The following RNF11 variants were observed in gnomAD, a reference collection of about 807,000 sequenced individuals.
RNF11 encodes the protein ring finger protein 11.
RNF11 carries 4 observed loss-of-function variants against 15.8 expected under a neutral mutation model. The observed-to-expected ratio is 0.25, with a 90% confidence interval of 0.12 to 0.58. The LOEUF (loss-of-function observed/expected upper bound fraction) is 0.58, where lower values mean the gene tolerates loss of function less well. RNF11 is among the 20% of genes least tolerant of loss of function. The probability of loss-of-function intolerance (pLI) is 0.91; values close to 1 mark genes in which losing one functional copy is unlikely to be tolerated. For synonymous variants in RNF11, 68 were observed against 72.3 expected (o/e 0.94, Z 0.30); for missense variants, 139 against 194.4 (o/e 0.71, Z 1.70).
At chr1:51,264,287 A>AATATATATATATAT (rs1162466435) in intron 1 of RNF11, among the ~76,000 whole-genome samples, 53 of 32,506 alleles carry the variant, frequency 1.6e-3, no homozygotes, top group South Asian at 2.8e-3. Context: ...AAAAAAAAAA[A>AATATATATATATAT]ATATATATAT....
chr1:51,254,113 A>G (rs746510525), intron 1 of RNF11, among the ~76,000 whole-genome samples: 21 of 152,376 alleles, frequency 1.4e-4, no homozygotes, highest in South Asian at 1.0e-3. Context: ...GGTGACCAAA[A>G]TGTGGCATTG....
chr1:51,261,948 C>T (rs946724768), intron 1 of RNF11, among the ~76,000 whole-genome samples: 18 of 151,890 alleles, frequency 1.2e-4, no homozygotes, highest in East Asian at 3.9e-4. Context: ...TCCGTCTCTC[C>T]GGTTCAAGCG....
intron 1 of RNF11, among the ~76,000 whole-genome samples, chr1:51,261,135 C>T (rs1646928717): frequency 6.6e-6 from 1 of 152,136 alleles, no homozygotes. Context: ...TCCCTTAAAA[C>T]ATGTTTTAAT....
chr1:51,250,460 A>T, intron 1 of RNF11: 1 of 419,982 alleles, frequency 2.4e-6, no homozygotes, highest in South Asian at 3.3e-5. Flanking sequence ...TTGACCTTTG[A>T]ACAACATAGA....
rs574059581 is a variant in RNF11 at position 51,271,142 on chromosome 1, T to G, written c.294-9T>G. ...ATGCCTTCTGATTTCTCTCCATTGC[T>G]CTCAACAGGTGTGTGATCTGTATGA... On this transcript the variant is annotated splice_polypyrimidine_tract_variant and intron_variant, in intron 2 of 2. Transcript: ENST00000242719. The G allele has an allele frequency of 6.2e-7, 1 of 1,610,964 alleles. No individual in the cohort carries two copies. Among genetic ancestry groups the G allele is most frequent in the East Asian group, 2.2e-5 (1 of 44,868 alleles).
intron 1 of RNF11, among the ~76,000 whole-genome samples, chr1:51,258,877 G>A (rs1047302743): frequency 1.3e-5 from 2 of 152,166 alleles, no homozygotes; most frequent in Non-Finnish European, 2.9e-5. Context: ...TCAGTGTAAT[G>A]TGGATGTGTT....
intron 1 of RNF11, among the ~76,000 whole-genome samples, chr1:51,261,776 C>T (rs189113799): frequency 1.3e-5 from 2 of 152,194 alleles, no homozygotes; most frequent in Non-Finnish European, 2.9e-5. Context: ...CAAGCTCGTC[C>T]TCCCGGGTTC....
intron 1 of RNF11, among the ~76,000 whole-genome samples, chr1:51,253,722 A>G (rs1646891705): frequency 6.6e-6 from 1 of 152,178 alleles, no homozygotes; most frequent in Admixed American, 6.6e-5. Flanking sequence ...AGGGTGCTAT[A>G]ATTTGCTCAA....
chr1:51,262,361 CT>C (rs1195902818), intron 1 of RNF11, among the ~76,000 whole-genome samples: 1 of 152,204 alleles, frequency 6.6e-6, no homozygotes, highest in Non-Finnish European at 1.5e-5. Context: ...AGAGCTAAAA[CT>C]TTATAAACCT....
Position 51,258,764 on chromosome 1 carries a change from A to G in RNF11, c.124-11192A>G, listed in dbSNP as rs1646916357. On this transcript the variant is annotated intron_variant, in intron 1 of 2. Transcript: ENST00000242719. ...AGTTGGTGATTTCCTTTCTTTTGCC[A>G]ATCTCCCTGATAGGCAATCTGTGCT... Among the ~76,000 whole-genome samples the G allele has an allele frequency of 2.0e-5, 3 of 152,112 alleles. No homozygotes were observed. The South Asian group carries it at 6.2e-4, about 32-fold the overall frequency.
chr1:51,238,351 C>G (rs530536946), intron 1 of RNF11, among the ~76,000 whole-genome samples: 25 of 152,296 alleles, frequency 1.6e-4, no homozygotes, highest in African/African-American at 5.1e-4. Context: ...TTGTAATCGC[C>G]TCCTTCAGTG....
chr1:51,253,487 C>A (rs1224083282), intron 1 of RNF11, among the ~76,000 whole-genome samples: 2 of 147,428 alleles, frequency 1.4e-5, no homozygotes, highest in African/African-American at 2.5e-5. Flanking sequence ...CACACCACTA[C>A]ACTCCAGCCT....
intron 2 of RNF11, 49 bp from the exon 3 acceptor site, chr1:51,271,102 A>G: frequency 1.3e-6 from 2 of 1,482,444 alleles, no homozygotes; most frequent in Non-Finnish European, 1.9e-6. Flanking sequence ...TTTTCTGAAT[A>G]GGACACTTCT....
intron 1 of RNF11, among the ~76,000 whole-genome samples, chr1:51,248,877 A>C (rs1001733519): frequency 2.0e-5 from 3 of 152,230 alleles, no homozygotes; most frequent in Admixed American, 6.5e-5. Flanking sequence ...TGATCCATCC[A>C]ATCACAGAAA....
At chr1:51,270,439 C>T (rs996627511) in intron 2 of RNF11, among the ~76,000 whole-genome samples, 4 of 151,966 alleles carry the variant, frequency 2.6e-5, no homozygotes, top group African/African-American at 9.7e-5. Context: ...ATGGTGAAAC[C>T]TCATCTCTAC....
At chr1:51,256,060 TATTC>T (rs775850045) in intron 1 of RNF11, among the ~76,000 whole-genome samples, 1 of 152,188 alleles carries the variant, frequency 6.6e-6, no homozygotes, top group East Asian at 1.9e-4. Context: ...CACATTGAAA[TATTC>T]AACGATTGCC....
intron 1 of RNF11, among the ~76,000 whole-genome samples, chr1:51,238,023 A>G (rs1646812769): frequency 6.6e-6 from 1 of 152,026 alleles, no homozygotes; most frequent in African/African-American, 2.4e-5. Flanking sequence ...ATATACCAGT[A>G]AGGTCCAGTC....
At chr1:51,266,108 T>C (rs1646953672) in intron 1 of RNF11, 1 of 152,204 alleles carries the variant, frequency 6.6e-6, no homozygotes, top group Non-Finnish European at 1.5e-5. Flanking sequence ...TAAGGCCACA[T>C]ACATAATTAA....
intron 1 of RNF11, among the ~76,000 whole-genome samples, chr1:51,254,490 C>T (rs912962505): frequency 2.6e-5 from 4 of 151,844 alleles, no homozygotes; most frequent in African/African-American, 4.8e-5. Context: ...GATGGAGTCT[C>T]GCTCTGTCAC....
Sources: allele counts gnomAD v4.1 joint callset (sites outside exome capture counted in the v4.1 genomes callset), GRCh38; gene constraint gnomAD v4.1.1; transcripts MANE v1.5; gene names NCBI Gene and HGNC (gene_info 2026-07-23, HGNC 2026-07-21).